The following TTC8 variants were observed in gnomAD, a reference collection of about 807,000 sequenced individuals.
TTC8 encodes tetratricopeptide repeat domain 8, also known as tetratricopeptide repeat protein 8.
In TTC8, 47 loss-of-function variants were observed where a neutral mutation model predicts 72.5. That is an observed-to-expected ratio of 0.65 (90% confidence interval 0.51 to 0.83). TTC8 has a LOEUF of 0.83. Ranked by LOEUF, TTC8 falls within the 40% of genes least tolerant of loss-of-function variation. The pLI, the probability that TTC8 is intolerant of heterozygous loss-of-function variation, is 0.00. For missense variants in TTC8, 611 were observed against 623.2 expected (o/e 0.98, Z 0.21); for synonymous variants, 199 against 221.4 (o/e 0.90, Z 0.90).
chr14:88,876,834 TA>T (rs1440361922), intron 14 of TTC8, among the ~76,000 whole-genome samples: 1 of 152,184 alleles, frequency 6.6e-6, no homozygotes, highest in Non-Finnish European at 1.5e-5. Context: ...ATTTTCTGTC[TA>T]AAAGGTAACA....
intron 7 of TTC8, among the ~76,000 whole-genome samples, chr14:88,851,423 A>C (rs1248601489): frequency 6.6e-6 from 1 of 152,194 alleles, no homozygotes; most frequent in African/African-American, 2.4e-5. Flanking sequence ...AGAAGCACTA[A>C]ATCTAACCTT....
chr14:88,860,734 AAC>A (rs1164981424), intron 9 of TTC8, among the ~76,000 whole-genome samples: 1 of 152,220 alleles, frequency 6.6e-6, no homozygotes, highest in Non-Finnish European at 1.5e-5. Context: ...CTTTATGTAT[AAC>A]ATGTGGAGAT....
chr14:88,824,783 C>G lies in TTC8; in HGVS notation c.76C>G (p.Leu26Val). 6.2e-7 allele frequency: 1 copy of G among 1,613,446 alleles called. No homozygotes were observed. The highest frequency in any genetic ancestry group is 8.5e-7 in the Non-Finnish European group (1 of 1,179,764). ...RRRKFQLCAD[L>V]CTQMLEKSPY... ...CAGGAAGTTCCAGCTCTGCGCCGAT[C>G]TATGCACGCAGATGCTGGAGAAGTC... The change falls in exon 1 of 15, where the codon CTA becomes GTA. Residue 26 changes from leucine to valine, a missense_variant. Transcript: ENST00000380656.
At chr14:88,845,594 G>C (rs992599686) in intron 7 of TTC8, among the ~76,000 whole-genome samples, 1 of 152,168 alleles carries the variant, frequency 6.6e-6, no homozygotes, top group Non-Finnish European at 1.5e-5. Context: ...TTCATAAAAA[G>C]CTGGTGAGGG....
intron 14 of TTC8, among the ~76,000 whole-genome samples, chr14:88,876,064 TA>T (rs1345823316): frequency 1.3e-5 from 2 of 152,190 alleles, no homozygotes; most frequent in Non-Finnish European, 2.9e-5. Context: ...ACCCAAGGCT[TA>T]AAGAGGTTAA....
At chr14:88,846,504 C>A in intron 7 of TTC8, 1 of 615,010 alleles carries the variant, frequency 1.6e-6, no homozygotes. Flanking sequence ...CTGAGTGAGG[C>A]CTGTGAGGGG....
chr14:88,870,035 C>G (rs971548050), intron 10 of TTC8, 24 bp from the exon 11 acceptor site: 1 of 1,612,398 alleles, frequency 6.2e-7, no homozygotes, highest in Non-Finnish European at 8.5e-7. Context: ...TAAAATATTG[C>G]TCTTCTCTCT....
At chr14:88,842,039 G>C (rs1015016304) in intron 6 of TTC8, among the ~76,000 whole-genome samples, 2 of 152,074 alleles carry the variant, frequency 1.3e-5, no homozygotes. Flanking sequence ...TTAAATTAAA[G>C]AGAAAATGAG....
At chr14:88,843,738 G>C in intron 6 of TTC8, 68 bp from the exon 7 acceptor site, 2 of 1,140,090 alleles carry the variant, frequency 1.8e-6, no homozygotes, top group Non-Finnish European at 2.6e-6. Context: ...CAGGGCTTTA[G>C]AGTACTTTTG....
intron 6 of TTC8, among the ~76,000 whole-genome samples, chr14:88,843,157 T>C (rs2094789934): frequency 6.6e-6 from 1 of 152,138 alleles, no homozygotes; most frequent in Non-Finnish European, 1.5e-5. Flanking sequence ...AAATAATTGT[T>C]CTTAGCCCTG....
At chr14:88,824,863 G>A (rs1248113282) in intron 1 of TTC8, 42 bp downstream of exon 1, 1 of 1,545,842 alleles carries the variant, frequency 6.5e-7, no homozygotes, top group Non-Finnish European at 8.9e-7. Context: ...CTGACGCTGA[G>A]GCTGCGGGGT....
In TTC8 at chr14:88,849,566, A is replaced by G. The variant is rs576591062; in HGVS notation, c.625-3405A>G. Among the ~76,000 whole-genome samples the G allele has an allele frequency of 6.6e-5, 10 of 152,312 alleles. No homozygotes were observed. In the South Asian group the frequency reaches 1.0e-3, roughly 16 times the overall value. On this transcript the variant is annotated intron_variant, in intron 7 of 14. Transcript: ENST00000380656. ...AAATACCTTGAAATGGTGTTTAAAT[A>G]TTAAGAAAGTATAAAATTGATTGTC... is the stretch of plus-strand genomic sequence containing the variant.
At position 88,840,781 on chromosome 14, in the gene TTC8, C is replaced by T. The variant is rs17124894; in HGVS notation, c.266-84C>T. The stretch of plus-strand genomic sequence containing the variant: ...ATTAATGTCTTTTTCACCAGGCCAG[C>T]GCAATTCTGAAAATTGTATTAGCTT... On this transcript the variant is annotated intron_variant, in intron 3 of 14. Transcript: ENST00000380656. 0.016 allele frequency: 21,731 copies of T among 1,381,158 alleles called. 2,795 individuals are homozygous for T. The Admixed American group carries it at 0.27, about 17-fold the overall frequency. 85.6% of individuals were successfully genotyped at this position (1,381,158 alleles called of 1,614,324 possible). A position where few individuals can be genotyped will look rare whatever the true frequency, so the allele number is the denominator to read the frequency against.
intron 7 of TTC8, among the ~76,000 whole-genome samples, chr14:88,850,634 G>C (rs1018067391): frequency 6.6e-6 from 1 of 152,120 alleles, no homozygotes; most frequent in African/African-American, 2.4e-5. Flanking sequence ...TGGAGGAGTC[G>C]AGATTGTGCC....
intron 7 of TTC8, among the ~76,000 whole-genome samples, chr14:88,852,098 G>A (rs1029318151): frequency 3.9e-5 from 6 of 152,190 alleles, no homozygotes; most frequent in East Asian, 1.9e-4. Context: ...GAGAAAAATC[G>A]TATTACAAAA....
chr14:88,824,916 G>A, intron 1 of TTC8, 95 bp downstream of exon 1: 1 of 1,213,942 alleles, frequency 8.2e-7, no homozygotes. Flanking sequence ...CGGGGAGGAA[G>A]GCCCGAGGCG....
In TTC8 at chr14:88,824,769, A is replaced by T. The variant is rs2094690662; in HGVS notation, c.62A>T (p.Gln21Leu). The T allele has an allele frequency of 1.9e-6, 3 of 1,613,300 alleles. No individual in the cohort carries two copies. Among genetic ancestry groups the T allele is most frequent in the Non-Finnish European group, 2.5e-6 (3 of 1,179,746 alleles). Residue 21 changes from glutamine (Q) to leucine (L), a missense_variant, in exon 1 of 15, where the codon CAG becomes CTG. Gln to Leu is a moderately radical substitution (Grantham distance 113, BLOSUM62 -2). Coordinates refer to ENST00000380656, the MANE Select transcript of TTC8 (RefSeq NM_144596.4). ...AGCTATTTTAGGCGCAGGAAGTTCC[A>T]GCTCTGCGCCGATCTATGCACGCAG... ...AWSYFRRRKF[Q>L]LCADLCTQML...
chr14:88,867,975 A>G (rs919559054), intron 10 of TTC8, among the ~76,000 whole-genome samples: 4 of 152,224 alleles, frequency 2.6e-5, no homozygotes, highest in Admixed American at 2.0e-4. Context: ...TTAGGGTTTT[A>G]TGGGACTGAT....
chr14:88,865,754 ACTAAAAATCAC>A lies in TTC8; in HGVS notation c.910-4304_910-4294del, dbSNP rs1264881528. Reference sequence around the variant, plus strand: ...TTTGTGAATTGGATCAAAAATAACCACTAAAAATCACTTGATACCAAATTTATTATATACTT... The same window carrying A: ...TTTGTGAATTGGATCAAAAATAACCATTGATACCAAATTTATTATATACTT... On this transcript the variant is annotated intron_variant, in intron 10 of 14. Transcript: ENST00000380656. Among the ~76,000 whole-genome samples, 11 of 152,270 alleles carry A rather than the reference ACTAAAAATCAC, an allele frequency of 7.2e-5. No homozygotes were observed. In the East Asian group the frequency reaches 2.1e-3, roughly 29 times the overall value.
Sources: gnomAD v4.1 joint callset for allele counts (sites outside exome capture counted in the v4.1 genomes callset) on GRCh38, gnomAD v4.1.1 for gene constraint, MANE v1.5 for transcripts, NCBI Gene and HGNC (gene_info 2026-07-23, HGNC 2026-07-21) for gene names.